CD1C: variants seen among roughly 807,000 people sequenced by gnomAD.
CD1C encodes the protein CD1c molecule.
A neutral mutation model predicts 39.4 loss-of-function variants in CD1C; 47 were observed. The observed-to-expected ratio is 1.19, with a 90% CI of 0.94 to 1.52. The LOEUF (loss-of-function observed/expected upper bound fraction) is 1.52. Ranked by LOEUF, CD1C falls within the 40% of genes most tolerant of loss-of-function variation. CD1C has a pLI of 0.00. For missense variants in CD1C, 417 were observed against 395.2 expected (o/e 1.06, Z -0.47); for synonymous variants, 165 against 150.8 (o/e 1.09, Z -0.69).
rs571642419 is a variant in CD1C, at chr1:158,292,541, G to A, written c.611-55G>A. ...CATATTCATGTGGATGTGTGTATGT[G>A]GATGTAAGTTGTGTGTAAGTTTCTT... is the stretch of plus-strand genomic sequence containing the variant. On this transcript the variant is annotated intron_variant, in intron 3 of 5. Transcript: ENST00000368170. 1.6e-4 allele frequency: 259 copies of A among 1,575,152 alleles called. 1 individual carries two copies. In the African/African-American group the frequency reaches 3.0e-3, roughly 18 times the overall value.
chr1:158,291,116 C>T lies in CD1C; in HGVS notation c.62-18C>T. On this transcript the variant is annotated intron_variant, in intron 1 of 5. Transcript: ENST00000368170. ...TTTTTTTTTTTCCTTACACTACTTG[C>T]CCTTCTTCCACCAAAAGCATCCCAG... 4 of 1,606,990 alleles carry T rather than the reference C, an allele frequency of 2.5e-6. No individual in the cohort carries two copies. Among genetic ancestry groups the T allele is most frequent in the East Asian group, 2.2e-5 (1 of 44,710 alleles).
At chr1:158,291,497 C>A in intron 2 of CD1C, 97 bp downstream of exon 2, 1 of 1,243,382 alleles carries the variant, frequency 8.0e-7, no homozygotes, top group Non-Finnish European at 1.1e-6. Flanking sequence ...ATTATCCCAT[C>A]CCACCATAAA....
intron 4 of CD1C, 55 bp downstream of exon 4, chr1:158,292,929 G>A (rs1050646856): frequency 6.4e-7 from 1 of 1,569,042 alleles, no homozygotes; most frequent in African/African-American, 1.4e-5. Flanking sequence ...AGAGGTTAGG[G>A]GAGAGGAAAT....
At chr1:158,291,506 A>C in intron 2 of CD1C, 106 bp downstream of exon 2, 29 of 1,130,492 alleles carry the variant, frequency 2.6e-5, no homozygotes, top group Non-Finnish European at 3.7e-5. Flanking sequence ...TCCCACCATA[A>C]AATTCTGCAT....
intron 2 of CD1C, 96 bp downstream of exon 2, chr1:158,291,496 T>C: frequency 8.0e-7 from 1 of 1,252,932 alleles, no homozygotes; most frequent in Non-Finnish European, 1.1e-6. Flanking sequence ...CATTATCCCA[T>C]CCCACCATAA....
Position 158,289,986 on chromosome 1 carries a change from T to G in CD1C, c.-79T>G. ...TTGTTGGTAGAAGGAAGTCAGAATA[T>G]AGGTACAGAGGGATAAGTTTGCTAA... On this transcript the variant is annotated 5_prime_UTR_variant, in exon 1 of 6. An upstream open reading frame in the 5' UTR gains an earlier in-frame stop. Coordinates refer to ENST00000368170, the MANE Select transcript of CD1C (RefSeq NM_001765.3). 2 of 1,299,994 alleles carry G rather than the reference T, an allele frequency of 1.5e-6. No individual in the cohort carries two copies. Among genetic ancestry groups the G allele is most frequent in the Non-Finnish European group, 2.2e-6 (2 of 902,396 alleles). 80.5% of individuals were successfully genotyped at this position (1,299,994 alleles called of 1,614,324 possible). A position where few individuals can be genotyped will look rare whatever the true frequency, so the allele number is the denominator to read the frequency against.
intron 1 of CD1C, 83 bp from the exon 2 acceptor site, chr1:158,291,051 G>A: frequency 2.1e-6 from 3 of 1,407,716 alleles, no homozygotes; most frequent in Non-Finnish European, 2.9e-6. Context: ...GTGGTAACTG[G>A]TTCACCTTCC....
At chr1:158,290,717 A>G (rs1192427040) in intron 1 of CD1C, among the ~76,000 whole-genome samples, 2 of 152,204 alleles carry the variant, frequency 1.3e-5, no homozygotes, top group Non-Finnish European at 2.9e-5. Flanking sequence ...AAGTTTGCTA[A>G]GAACAGAGAT....
Position 158,290,002 on chromosome 1 carries a change from AGTTT to A in CD1C, c.-61_-58del. ...GTCAGAATATAGGTACAGAGGGATA[AGTTT>A]GCTAAGAACAGAGATCAGCAAACAG... On this transcript the variant is annotated 5_prime_UTR_variant, in exon 1 of 6. The change creates a premature stop within an existing upstream ORF in the 5' untranslated region. Coordinates refer to ENST00000368170, the MANE Select transcript of CD1C (RefSeq NM_001765.3). 6.8e-7 allele frequency: 1 copy of A among 1,469,488 alleles called. No homozygotes were observed. The highest frequency in any genetic ancestry group is 9.5e-7 in the Non-Finnish European group (1 of 1,049,352). The allele number at this position is 1,469,488 out of a possible 1,614,324, so 91.0% of individuals were successfully genotyped here.
chr1:158,292,911 T>A (rs1470532126), intron 4 of CD1C, 37 bp downstream of exon 4: 3 of 1,606,180 alleles, frequency 1.9e-6, no homozygotes, highest in Non-Finnish European at 2.6e-6. Flanking sequence ...TAGGTGGTTC[T>A]TGAGCCTAGA....
At position 158,294,095 on chromosome 1, in the gene CD1C, A is replaced by T. The variant is rs1651152334; in HGVS notation, c.*619A>T. ...TGCAGCCTTGTGCCTTGATACACTT[A>T]TTTTCTAAACACAGAGAATTACAAA... On this transcript the variant is annotated 3_prime_UTR_variant, in exon 6 of 6. Transcript: ENST00000368170. Among the ~76,000 whole-genome samples, 1 of 152,186 alleles carries T rather than the reference A, an allele frequency of 6.6e-6. No individual in the cohort carries two copies. The highest frequency in any genetic ancestry group is 1.5e-5 in the Non-Finnish European group (1 of 68,050).
In CD1C at chr1:158,291,262, A is replaced by C. The variant is rs1377408255; in HGVS notation, c.190A>C (p.Thr64Pro). 6.2e-7 allele frequency: 1 copy of C among 1,614,010 alleles called. No individual in the cohort carries two copies. Among genetic ancestry groups the C allele is most frequent in the African/African-American group, 1.3e-5 (1 of 74,892 alleles). ...QTHGWDSESG[T>P]IIFLHNWSKG... ...TCATGGCTGGGACAGTGAATCAGGC[A>C]CAATAATTTTCCTGCATAACTGGTC... The change falls in exon 2 of 6, where the codon ACA (threonine) becomes CCA (proline). Residue 64 changes from threonine (T) to proline (P), a missense_variant. Physicochemically the swap from Thr to Pro is conservative, Grantham distance 38 (BLOSUM62 -1). Transcript: ENST00000368170.
At position 158,294,366 on chromosome 1, in the gene CD1C, G is replaced by A. The variant is rs77773003; in HGVS notation, c.*890G>A. 0.12 allele frequency among the ~76,000 whole-genome samples: 17,800 copies of A among 152,224 alleles called. 1,355 individuals are homozygous for A. The highest frequency in any genetic ancestry group is 0.38 in the East Asian group (1,990 of 5,174). ...ACTAATATTTTTTGGGTACTGAGTTGAGACAGGCACATACAGCTTCTAAAC... is the reference window on the plus strand; with the variant it reads ...ACTAATATTTTTTGGGTACTGAGTTAAGACAGGCACATACAGCTTCTAAAC... On this transcript the variant is annotated 3_prime_UTR_variant, in exon 6 of 6. Coordinates refer to ENST00000368170, the MANE Select transcript of CD1C (RefSeq NM_001765.3).
At chr1:158,292,405 C>G in intron 3 of CD1C, 40 bp downstream of exon 3, 8 of 1,580,926 alleles carry the variant, frequency 5.1e-6, no homozygotes, top group Non-Finnish European at 6.9e-6. Context: ...TTTTTCTATT[C>G]AAGTACTGCC....
At chr1:158,293,387 ACTC>A in intron 5 of CD1C, 65 bp from the exon 6 acceptor site, 1 of 1,592,200 alleles carries the variant, frequency 6.3e-7, no homozygotes. Context: ...TCTATTGACT[ACTC>A]CACCTTATCC....
At position 158,291,134 on chromosome 1, in the gene CD1C, C is replaced by T. The variant is rs747339829; in HGVS notation, c.62C>T (p.Ala21Val). Residue 21 changes from alanine (A) to valine (V), a missense_variant and splice_region_variant, in exon 2 of 6, where the codon GCA (alanine) becomes GTA (valine). Transcript: ENST00000368170. ...LLLPGGDNAD[A>V]SQEHVSFHVI... ...CTACTTGCCCTTCTTCCACCAAAAG[C>T]ATCCCAGGAACACGTCTCCTTCCAT... 11 of 1,610,582 alleles carry T rather than the reference C, an allele frequency of 6.8e-6. No individual in the cohort carries two copies. The highest frequency in any genetic ancestry group is 1.7e-4 in the Middle Eastern group (1 of 6,050).
Position 158,292,255 on chromosome 1 carries a change from A to G in CD1C, c.500A>G (p.Asn167Ser). The part of the protein sequence containing the change: ...SLAQSVCHLL[N>S]HQYEGVTETV... ...GCCCAAAGTGTCTGTCATCTACTCA[A>G]TCATCAGTATGAAGGCGTCACAGAA... The change falls in exon 3 of 6, where the codon AAT becomes AGT. Residue 167 changes from asparagine to serine, a missense_variant. Physicochemically the swap from Asn to Ser is conservative, Grantham distance 46 (BLOSUM62 1). Coordinates refer to ENST00000368170, the MANE Select transcript of CD1C (RefSeq NM_001765.3). The G allele has an allele frequency of 1.9e-6, 3 of 1,614,180 alleles. No homozygotes were observed. Among genetic ancestry groups the G allele is most frequent in the Non-Finnish European group, 1.7e-6 (2 of 1,180,024 alleles).
chr1:158,293,033 A>G (rs1384393738), intron 4 of CD1C, among the ~76,000 whole-genome samples, 159 bp downstream of exon 4: 3 of 152,208 alleles, frequency 2.0e-5, no homozygotes, highest in Non-Finnish European at 4.4e-5. Context: ...ATACATGGAT[A>G]CTAGAGATTT....
Position 158,293,502 on chromosome 1 carries a change from G to T in CD1C, c.*26G>T. ...GACTCTTCCCCCTGACTCCCCCATT[G>T]TGTTAAGAACCCAGCAACCCAGGAG... On this transcript the variant is annotated 3_prime_UTR_variant, in exon 6 of 6. Coordinates refer to ENST00000368170, the MANE Select transcript of CD1C (RefSeq NM_001765.3). 1 of 1,614,020 alleles carries T rather than the reference G, an allele frequency of 6.2e-7. No individual in the cohort carries two copies. The highest frequency in any genetic ancestry group is 8.5e-7 in the Non-Finnish European group (1 of 1,179,988).
Sources: allele counts gnomAD v4.1 joint callset (sites outside exome capture counted in the v4.1 genomes callset), GRCh38; gene constraint gnomAD v4.1.1; transcripts MANE v1.5; gene names NCBI Gene and HGNC (gene_info 2026-07-23, HGNC 2026-07-21).